PDE1B: variants seen among roughly 807,000 people sequenced by gnomAD.
PDE1B encodes phosphodiesterase 1B, also known as dual specificity calcium/calmodulin-dependent 3',5'-cyclic nucleotide phosphodiesterase 1B.
A neutral mutation model predicts 66.7 loss-of-function variants in PDE1B; 13 were observed. The ratio of observed to expected loss-of-function variants is 0.19; its 90% CI spans 0.13 to 0.31. The LOEUF (loss-of-function observed/expected upper bound fraction) is 0.31. PDE1B is among the 10% of genes least tolerant of loss of function. The probability of loss-of-function intolerance (pLI) is 1.00; values close to 1 mark genes in which losing one functional copy is unlikely to be tolerated. For synonymous variants in PDE1B, 230 were observed against 253.9 expected (o/e 0.91, Z 0.90); for missense variants, 485 against 682.3 (o/e 0.71, Z 3.22).
At position 54,549,648 on chromosome 12, in the gene PDE1B, A is replaced by G. The variant is rs922042521; in HGVS notation, c.-138A>G. The G allele has an allele frequency of 4.2e-6, 2 of 479,428 alleles. No homozygotes were observed. Among genetic ancestry groups the G allele is most frequent in the African/African-American group, 2.0e-5 (1 of 49,004 alleles). The allele number at this position is 479,428 out of a possible 1,614,324, so 29.7% of individuals were successfully genotyped here. A position where few individuals can be genotyped will look rare whatever the true frequency, so the allele number is the denominator to read the frequency against. ...AGCGGCAGCAGCAGCGGCGGTGCGG[A>G]GAGCTTGGACTGGGAGCCCAAAGCT... is the stretch of plus-strand genomic sequence containing the variant. On this transcript the variant is annotated 5_prime_UTR_variant, in exon 1 of 16. Transcript: ENST00000243052.
At chr12:54,561,093 C>A (rs987807550) in intron 2 of PDE1B, among the ~76,000 whole-genome samples, 9 of 152,096 alleles carry the variant, frequency 5.9e-5, no homozygotes, top group Non-Finnish European at 8.8e-5. Flanking sequence ...CAGAAAAAGA[C>A]CCTGAAAGGG....
intron 6 of PDE1B, chr12:54,570,811 G>A: frequency 6.3e-6 from 1 of 157,918 alleles, no homozygotes; most frequent in Admixed American, 6.1e-5. Flanking sequence ...TCTTGACAGG[G>A]CTCGGGGCGG....
At chr12:54,566,923 C>A (rs1459655555) in intron 2 of PDE1B, 51 bp from the exon 3 acceptor site, 2 of 909,128 alleles carry the variant, frequency 2.2e-6, no homozygotes, top group South Asian at 1.4e-5. Flanking sequence ...ATGCTGTTCT[C>A]ATGATAAGGT....
intron 3 of PDE1B, among the ~76,000 whole-genome samples, chr12:54,568,157 G>A (rs957616494): frequency 2.0e-5 from 3 of 151,918 alleles, no homozygotes; most frequent in African/African-American, 2.4e-5. Context: ...GCGCCCAGCC[G>A]ATATCTCATT....
At chr12:54,553,826 A>T (rs779840314) in intron 2 of PDE1B, among the ~76,000 whole-genome samples, 1 of 152,206 alleles carries the variant, frequency 6.6e-6, no homozygotes, top group African/African-American at 2.4e-5. Context: ...GAGAGGATCC[A>T]GAAACTGTGG....
At position 54,575,769 on chromosome 12, in the gene PDE1B, T is replaced by C; in HGVS notation, c.1267+137T>C. On this transcript the variant is annotated intron_variant, in intron 12 of 15. Coordinates refer to ENST00000243052, the MANE Select transcript of PDE1B (RefSeq NM_000924.4). This position sits in a 1 kb window ranked among gnomAD's most constrained non-coding sequence, Gnocchi z 4.0. ...AAGCCTACTGTGCTAGAGCATGGGG[T>C]CCTGGGTTAGGAGGCCAGGGGGCTG... The C allele has an allele frequency of 1.3e-6, 1 of 778,928 alleles. No individual in the cohort carries two copies. Among genetic ancestry groups the C allele is most frequent in the East Asian group, 2.5e-5 (1 of 39,786 alleles). The allele number at this position is 778,928 out of a possible 1,614,324, so 48.3% of individuals were successfully genotyped here. A position where few individuals can be genotyped will look rare whatever the true frequency, so the allele number is the denominator to read the frequency against.
intron 2 of PDE1B, among the ~76,000 whole-genome samples, chr12:54,562,111 C>T (rs1038383536): frequency 4.6e-5 from 7 of 152,160 alleles, no homozygotes; most frequent in African/African-American, 1.7e-4. Context: ...GCAGGAAGTC[C>T]TTCTCTGGCT....
chr12:54,557,694 C>G (rs1239226945), intron 2 of PDE1B, among the ~76,000 whole-genome samples: 1 of 152,226 alleles, frequency 6.6e-6, no homozygotes, highest in Non-Finnish European at 1.5e-5. Context: ...TCCCAGACTA[C>G]CTTCAACATC....
chr12:54,564,304 G>A (rs1159988424), intron 2 of PDE1B, among the ~76,000 whole-genome samples: 1 of 149,122 alleles, frequency 6.7e-6, no homozygotes, highest in Admixed American at 6.7e-5. Context: ...GAAGTCCAGA[G>A]CTATGATCTG....
At chr12:54,560,545 G>T (rs76230405) in intron 2 of PDE1B, among the ~76,000 whole-genome samples, 2,330 of 152,212 alleles carry the variant, frequency 0.015, 49 homozygotes, top group African/African-American at 0.053. Flanking sequence ...GGCCAATCAC[G>T]GCCCCAGCGT....
At chr12:54,555,746 T>C (rs1305521880) in intron 2 of PDE1B, among the ~76,000 whole-genome samples, 1 of 152,158 alleles carries the variant, frequency 6.6e-6, no homozygotes, top group African/African-American at 2.4e-5. Flanking sequence ...TTTTCTCTTC[T>C]TTGATTCTTC....
chr12:54,565,129 T>C (rs535263636), intron 2 of PDE1B, among the ~76,000 whole-genome samples: 17 of 152,238 alleles, frequency 1.1e-4, no homozygotes. Context: ...GGGATGTGGG[T>C]TTCAAAAGGT....
In PDE1B at chr12:54,577,251, G is replaced by A. The variant is rs267603551; in HGVS notation, c.1534G>A (p.Glu512Lys). 4 of 1,613,840 alleles carry A rather than the reference G, an allele frequency of 2.5e-6. No individual in the cohort carries two copies. The highest frequency in any genetic ancestry group is 2.5e-6 in the Non-Finnish European group (3 of 1,179,948). ...CATCACCAACCAGATGTCCATTGACGAGCTGTCCCCCTGTGAAGAAGAGGC... is the reference window on the plus strand; with the variant it reads ...CATCACCAACCAGATGTCCATTGACAAGCTGTCCCCCTGTGAAGAAGAGGC... ...SGITNQMSID[E>K]LSPCEEEAPP... is the part of the protein sequence containing the mutation. Residue 512 changes from glutamate (E) to lysine (K), a missense_variant, in exon 15 of 16, where the codon GAG becomes AAG. Transcript: ENST00000243052.
At chr12:54,561,737 T>A in intron 2 of PDE1B, 1 of 787,190 alleles carries the variant, frequency 1.3e-6, no homozygotes, top group Non-Finnish European at 2.0e-6. Context: ...GATCAAGACC[T>A]GGCAGTCCCC....
In PDE1B at chr12:54,569,787, C is replaced by T. The variant is rs1412074272; in HGVS notation, c.477+175C>T. On this transcript the variant is annotated intron_variant, in intron 5 of 15. Transcript: ENST00000243052. The surrounding 1 kb of genome is among the most constrained non-coding windows in gnomAD (Gnocchi z 4.4). ...GCGTGATCTCGTCTCACTGCAACCTCTGCCTCCCTGCAAGCGATTCTCCTG... is the reference window on the plus strand; with the variant it reads ...GCGTGATCTCGTCTCACTGCAACCTTTGCCTCCCTGCAAGCGATTCTCCTG... 6.6e-6 allele frequency among the ~76,000 whole-genome samples: 1 copy of T among 151,740 alleles called. No individual in the cohort carries two copies. Among genetic ancestry groups the T allele is most frequent in the Admixed American group, 6.6e-5 (1 of 15,242 alleles).
At position 54,573,556 on chromosome 12, in the gene PDE1B, C is replaced by T; in HGVS notation, c.963-52C>T. ...CTCCATTTTCCACTTCCTGGACCTC[C>T]TGCCCAGCAGCGCTGAGGGGACTGA... On this transcript the variant is annotated intron_variant, in intron 9 of 15. Coordinates refer to ENST00000243052, the MANE Select transcript of PDE1B (RefSeq NM_000924.4). This position sits in a 1 kb window ranked among gnomAD's most constrained non-coding sequence, Gnocchi z 5.2. The T allele has an allele frequency of 1.2e-6, 2 of 1,610,996 alleles. No homozygotes were observed. Among genetic ancestry groups the T allele is most frequent in the African/African-American group, 2.7e-5 (2 of 74,982 alleles).
rs1207247570 is a variant in PDE1B, at chr12:54,569,603, CT to C, written c.469del (p.Cys157ValfsTer15). 1 of 1,612,086 alleles carries C rather than the reference CT, an allele frequency of 6.2e-7. No homozygotes were observed. Among genetic ancestry groups the C allele is most frequent in the Non-Finnish European group, 8.5e-7 (1 of 1,178,164 alleles). ...CCACTTACTCTACTGCGGTTCTCAA[CT>C]GTCTCAAGGTAATCTCTGGGTTTTT... ...GPTYSTAVLN[C>X]LKNLDLWCFD... On this transcript the variant is annotated frameshift_variant, in exon 5 of 16. Transcript: ENST00000243052. LOFTEE classifies it high-confidence loss of function. This position sits in a 1 kb window ranked among gnomAD's most constrained non-coding sequence, Gnocchi z 4.4.
At chr12:54,558,009 G>A (rs1957363127) in intron 2 of PDE1B, among the ~76,000 whole-genome samples, 1 of 151,980 alleles carries the variant, frequency 6.6e-6, no homozygotes, top group East Asian at 1.9e-4. Context: ...TGGGACACCT[G>A]GGTTCTTATT....
intron 2 of PDE1B, among the ~76,000 whole-genome samples, chr12:54,559,891 C>T (rs374985045): frequency 5.9e-5 from 9 of 152,170 alleles, no homozygotes; most frequent in African/African-American, 1.4e-4. Context: ...TCAGCCCCAT[C>T]CTGCAACGCA....
Sources: allele counts gnomAD v4.1 joint callset (sites outside exome capture counted in the v4.1 genomes callset), GRCh38; gene constraint gnomAD v4.1.1; non-coding constraint Gnocchi (gnomAD v3.1); transcripts MANE v1.5; gene names NCBI Gene and HGNC (gene_info 2026-07-23, HGNC 2026-07-21).